NCAM2: variants seen among roughly 807,000 people sequenced by gnomAD.
NCAM2 encodes neural cell adhesion molecule 2, also known as N-CAM-2.
A neutral mutation model predicts 98.1 loss-of-function variants in NCAM2; 30 were observed. That is an observed-to-expected ratio of 0.31 (90% confidence interval 0.23 to 0.41). NCAM2 has a LOEUF of 0.41. Ranked by LOEUF, NCAM2 falls within the 10% of genes least tolerant of loss-of-function variation. The probability of loss-of-function intolerance (pLI) is 1.00; values close to 1 mark genes in which losing one functional copy is unlikely to be tolerated. For synonymous variants in NCAM2, 368 were observed against 342.4 expected (o/e 1.07, Z -0.83); for missense variants, 867 against 1,005.8 (o/e 0.86, Z 1.87).
intron 1 of NCAM2, among the ~76,000 whole-genome samples, chr21:21,079,577 C>T (rs2065749906): frequency 1.3e-5 from 2 of 152,068 alleles, no homozygotes; most frequent in African/African-American, 4.8e-5. Flanking sequence ...TCTCTTGCCC[C>T]CTTTTTTTTT....
chr21:21,497,299 A>G (rs988973707), intron 15 of NCAM2, among the ~76,000 whole-genome samples: 2 of 152,144 alleles, frequency 1.3e-5, no homozygotes, highest in African/African-American at 4.8e-5. Flanking sequence ...AGCATCATGC[A>G]TTTCCGCATG....
At chr21:21,151,910 A>G (rs1040525493) in intron 1 of NCAM2, among the ~76,000 whole-genome samples, 1 of 151,982 alleles carries the variant, frequency 6.6e-6, no homozygotes. Context: ...CTTGATTTTT[A>G]GAAATATTGT....
At chr21:21,158,605 G>C (rs905361433) in intron 1 of NCAM2, among the ~76,000 whole-genome samples, 7 of 46,680 alleles carry the variant, frequency 1.5e-4, no homozygotes, top group African/African-American at 6.5e-4. Flanking sequence ...CACCGTCCCC[G>C]CCCCCGCAAA....
intron 1 of NCAM2, among the ~76,000 whole-genome samples, chr21:21,135,439 A>G (rs2067028620): frequency 1.3e-5 from 2 of 152,112 alleles, no homozygotes; most frequent in Non-Finnish European, 2.9e-5. Flanking sequence ...GGTAGGTGCC[A>G]AATAATATTA....
At chr21:21,356,090 C>T (rs952212249) in intron 8 of NCAM2, among the ~76,000 whole-genome samples, 2 of 152,132 alleles carry the variant, frequency 1.3e-5, no homozygotes, top group Admixed American at 6.6e-5. Context: ...AAATATTTTG[C>T]AGACTAAAGT....
At chr21:21,368,230 A>T (rs1278066172) in intron 8 of NCAM2, among the ~76,000 whole-genome samples, 2 of 151,938 alleles carry the variant, frequency 1.3e-5, no homozygotes, top group African/African-American at 4.8e-5. Context: ...TGTAGATAAC[A>T]TTTTATACCT....
At chr21:21,495,408 G>C (rs909589739) in intron 15 of NCAM2, among the ~76,000 whole-genome samples, 2 of 151,928 alleles carry the variant, frequency 1.3e-5, no homozygotes, top group African/African-American at 2.4e-5. Flanking sequence ...GAGAAGGAGA[G>C]AGGGAAGACT....
At chr21:21,492,928 T>C (rs778520385) in intron 15 of NCAM2, among the ~76,000 whole-genome samples, 4 of 151,958 alleles carry the variant, frequency 2.6e-5, no homozygotes, top group Non-Finnish European at 5.9e-5. Flanking sequence ...AATTTTACTA[T>C]TGTTTCTAGA....
chr21:21,339,386 C>T (rs2074962899), intron 8 of NCAM2, among the ~76,000 whole-genome samples: 1 of 151,938 alleles, frequency 6.6e-6, no homozygotes, highest in Admixed American at 6.6e-5. Context: ...CTATATGTTT[C>T]ACTATACTAA....
In NCAM2 at chr21:21,479,447, G is replaced by C. The variant is rs74516493; in HGVS notation, c.2077+1976G>C. On this transcript the variant is annotated intron_variant, in intron 15 of 17. Transcript: ENST00000400546. ...AAACAGAAAAAAATTAGCCGGGCGT[G>C]GTGGTGGACGCCTGTAGTCCCAGCT... Among the ~76,000 whole-genome samples, 475 of 151,544 alleles carry C rather than the reference G, an allele frequency of 3.1e-3. 4 individuals carry two copies. Among genetic ancestry groups the C allele is most frequent in the African/African-American group, 0.011 (459 of 41,364 alleles).
At chr21:21,257,760 T>C (rs2071731998) in intron 1 of NCAM2, among the ~76,000 whole-genome samples, 1 of 152,100 alleles carries the variant, frequency 6.6e-6, no homozygotes, top group Non-Finnish European at 1.5e-5. Context: ...TTTTTGTATT[T>C]TTAGTAGAGA....
rs960538939 is a variant in NCAM2, at chr21:21,323,892, A to G, written c.620-491A>G. Among the ~76,000 whole-genome samples the G allele has an allele frequency of 9.2e-5, 14 of 152,310 alleles. 1 individual carries two copies. The East Asian group carries it at 2.7e-3, about 29-fold the overall frequency. On this transcript the variant is annotated intron_variant, in intron 5 of 17. Coordinates refer to ENST00000400546, the MANE Select transcript of NCAM2 (RefSeq NM_004540.5). ...GAAAGCCCTGTTTTGAAGCAGTGAT[A>G]TATTGCTTATGGCATTACACAGACC...
At chr21:21,334,675 G>C (rs187443500) in intron 6 of NCAM2, among the ~76,000 whole-genome samples, 8 of 151,850 alleles carry the variant, frequency 5.3e-5, no homozygotes, top group Non-Finnish European at 1.0e-4. Context: ...AATGAAAGGA[G>C]AATACACAAT....
intron 9 of NCAM2, among the ~76,000 whole-genome samples, chr21:21,377,167 T>C (rs1401604269): frequency 1.3e-5 from 2 of 151,880 alleles, no homozygotes; most frequent in Non-Finnish European, 3.0e-5. Flanking sequence ...ATATCATCTC[T>C]TGTTAAGACA....
In NCAM2 at chr21:21,007,039, C is replaced by T. The variant is rs1277573157; in HGVS notation, c.55+8421C>T. The stretch of plus-strand genomic sequence containing the variant: ...TCTGCCTCCTAATCCTGTCTTTTCC[C>T]ATAAAGTATGATATTTTTTACTGCA... On this transcript the variant is annotated intron_variant, in intron 1 of 17. Transcript: ENST00000400546. Among the ~76,000 whole-genome samples the T allele has an allele frequency of 3.3e-5, 5 of 152,202 alleles. 1 individual carries two copies. In the South Asian group the frequency reaches 1.0e-3, roughly 32 times the overall value.
rs1206818326 is a variant in NCAM2, at chr21:21,541,611, T to C, written c.*3654T>C. 6.6e-6 allele frequency: 1 copy of C among 151,784 alleles called. No homozygotes were observed. Among genetic ancestry groups the C allele is most frequent in the African/African-American group, 2.4e-5 (1 of 41,424 alleles). 9.4% of individuals were successfully genotyped at this position (151,784 alleles called of 1,614,324 possible). On this transcript the variant is annotated 3_prime_UTR_variant, in exon 18 of 18. Transcript: ENST00000400546. ...TTGGGTCTTCATTATTCCATTTATATATATTTTTTATTTCGAATAATAAAT... is the reference window on the plus strand; with the variant it reads ...TTGGGTCTTCATTATTCCATTTATACATATTTTTTATTTCGAATAATAAAT...
chr21:21,428,618 G>A (rs2077264886), intron 11 of NCAM2, among the ~76,000 whole-genome samples: 1 of 152,200 alleles, frequency 6.6e-6, no homozygotes. Context: ...GGCTTGGGAG[G>A]TAACAGAGGA....
chr21:21,344,496 C>T (rs1220634171), intron 8 of NCAM2, among the ~76,000 whole-genome samples: 2 of 152,080 alleles, frequency 1.3e-5, no homozygotes, highest in East Asian at 1.9e-4. Flanking sequence ...TAGCAGTACT[C>T]CTTGTGGTCT....
At chr21:21,368,964 G>C (rs2075851012) in intron 8 of NCAM2, among the ~76,000 whole-genome samples, 3 of 151,822 alleles carry the variant, frequency 2.0e-5, no homozygotes, top group Admixed American at 6.6e-5. Flanking sequence ...CCTTTTCACA[G>C]TGTTATTTAT....
Sources: allele counts gnomAD v4.1 joint callset (sites outside exome capture counted in the v4.1 genomes callset), GRCh38; gene constraint gnomAD v4.1.1; transcripts MANE v1.5; gene names NCBI Gene and HGNC (gene_info 2026-07-23, HGNC 2026-07-21).